The following ZDHHC9 variants were observed in gnomAD, a reference collection of about 807,000 sequenced individuals.
ZDHHC9 encodes zDHHC palmitoyltransferase 9, also known as palmitoyltransferase ZDHHC9.
A neutral mutation model predicts 26.6 loss-of-function variants in ZDHHC9; 3 were observed. That is an observed-to-expected ratio of 0.11 (90% CI 0.05 to 0.29). The LOEUF is 0.29. ZDHHC9 is among the 10% of genes least tolerant of loss of function. The pLI, the probability that ZDHHC9 is intolerant of heterozygous loss-of-function variation, is 1.00. For missense variants in ZDHHC9, 146 were observed against 296.4 expected, an observed-to-expected ratio of 0.49 and a Z score of 3.73; for synonymous variants, 111 against 109.4, an observed-to-expected ratio of 1.01 and a Z score of -0.09.
chrX:129,823,489 G>A (rs1201362666), intron 5 of ZDHHC9, 190 bp downstream of exon 5: 1 of 441,125 alleles, frequency 2.3e-6, no homozygotes, highest in Admixed American at 4.2e-5. Context: ...TTTAAATTTT[G>A]ATTTGATCTA....
At chrX:129,816,486 T>A (rs1927760085) in intron 5 of ZDHHC9, among the ~76,000 whole-genome samples, 1 of 110,814 alleles carries the variant, frequency 9.0e-6, no homozygotes, top group African/African-American at 3.3e-5. Flanking sequence ...AACTGCATTG[T>A]TCAAGAGTCG....
chrX:129,830,124 C>T (rs1793608172), intron 3 of ZDHHC9, among the ~76,000 whole-genome samples: 5 of 111,884 alleles, frequency 4.5e-5, no homozygotes, highest in African/African-American at 1.6e-4. Context: ...TCCCTGTGGT[C>T]CTCACTTCCA....
At chrX:129,819,165 T>C (rs1459790070) in intron 5 of ZDHHC9, among the ~76,000 whole-genome samples, 2 of 51,774 alleles carry the variant, frequency 3.9e-5, no homozygotes, top group East Asian at 6.1e-4. Context: ...AGAGACAGCC[T>C]CCGTCTCAAA....
At chrX:129,816,065 G>A (rs991951001) in intron 5 of ZDHHC9, among the ~76,000 whole-genome samples, 1 of 109,834 alleles carries the variant, frequency 9.1e-6, no homozygotes. Context: ...ATGTACACAG[G>A]TTTTGCATCT....
chrX:129,821,588 G>A (rs919130014), intron 5 of ZDHHC9, among the ~76,000 whole-genome samples: 1 of 108,296 alleles, frequency 9.2e-6, no homozygotes, highest in Admixed American at 9.9e-5. Context: ...ACCGCGCCTG[G>A]CCAGACCTTC....
At chrX:129,815,608 A>G (rs1927739302) in intron 5 of ZDHHC9, among the ~76,000 whole-genome samples, 1 of 112,197 alleles carries the variant, frequency 8.9e-6, no homozygotes, top group Non-Finnish European at 1.9e-5. Context: ...TTGGTGATCA[A>G]TGATGTGATT....
At chrX:129,840,294 G>A (rs1488753401) in intron 3 of ZDHHC9, among the ~76,000 whole-genome samples, 1 of 108,768 alleles carries the variant, frequency 9.2e-6, no homozygotes, top group Admixed American at 1.0e-4. Flanking sequence ...GGAGGTGGGG[G>A]TGGGGACAAA....
intron 8 of ZDHHC9, 87 bp downstream of exon 8, chrX:129,812,631 G>A: frequency 6.0e-6 from 5 of 836,627 alleles, no homozygotes; most frequent in Non-Finnish European, 9.0e-6. Context: ...CCCAGGCCCT[G>A]GAGACTCGGT....
Position 129,838,889 on chromosome X carries a change from G to A in ZDHHC9, c.167+2890C>T, listed in dbSNP as rs187410974. 5.4e-5 allele frequency among the ~76,000 whole-genome samples: 6 copies of A among 112,064 alleles called. No individual in the cohort carries two copies. The East Asian group carries it at 1.4e-3, about 26-fold the overall frequency. On this transcript the variant is annotated intron_variant, in intron 3 of 10. Coordinates refer to ENST00000357166, the MANE Select transcript of ZDHHC9 (RefSeq NM_016032.4). ...CATCTGCCAGCACTGCTAACATTAT[G>A]CGTTTTTCATTAAGGGGCACCCACA...
intron 4 of ZDHHC9, among the ~76,000 whole-genome samples, chrX:129,824,807 G>A (rs1473310621): frequency 3.6e-5 from 4 of 112,004 alleles, no homozygotes; most frequent in Non-Finnish European, 3.8e-5. Context: ...TTATGCAGCC[G>A]TTAAAAATGA....
chrX:129,824,571 T>C (rs1355319731), intron 4 of ZDHHC9, among the ~76,000 whole-genome samples: 1 of 111,929 alleles, frequency 8.9e-6, no homozygotes, highest in East Asian at 2.8e-4. Context: ...ATTACAGGTG[T>C]GAGCCACCGT....
chrX:129,819,398 C>A (rs948066828), intron 5 of ZDHHC9, among the ~76,000 whole-genome samples: 2 of 108,846 alleles, frequency 1.8e-5, no homozygotes, highest in African/African-American at 6.7e-5. Flanking sequence ...GTAATACATG[C>A]TCATTGTAGA....
intron 10 of ZDHHC9, among the ~76,000 whole-genome samples, chrX:129,807,162 T>G (rs1202171225): frequency 8.9e-6 from 1 of 112,294 alleles, no homozygotes; most frequent in Non-Finnish European, 1.9e-5. Context: ...AAAGTATGAT[T>G]CTGGCCGGGC....
At chrX:129,810,246 G>A (rs1927607841) in intron 10 of ZDHHC9, among the ~76,000 whole-genome samples, 1 of 106,348 alleles carries the variant, frequency 9.4e-6, no homozygotes, top group South Asian at 4.2e-4. Context: ...CTACTCGGAG[G>A]CTGAGGCAGA....
intron 4 of ZDHHC9, among the ~76,000 whole-genome samples, chrX:129,824,818 CAT>C (rs1927975418): frequency 8.9e-6 from 1 of 111,772 alleles, no homozygotes; most frequent in South Asian, 3.6e-4. Context: ...TTAAAAATGA[CAT>C]AGACGAAAGA....
chrX:129,811,723 G>A (rs754563647), intron 8 of ZDHHC9, among the ~76,000 whole-genome samples: 62 of 110,729 alleles, frequency 5.6e-4, no homozygotes, highest in Non-Finnish European at 8.9e-4. Flanking sequence ...AGGATATGAG[G>A]GCGATCTGGC....
intron 5 of ZDHHC9, among the ~76,000 whole-genome samples, chrX:129,819,172 CAAAAAAAAAAAAA>C (rs10555509): frequency 1.4e-4 from 5 of 36,083 alleles, no homozygotes; most frequent in Non-Finnish European, 1.8e-4. Context: ...GCCTCCGTCT[CAAAAAAAAAAAAA>C]AAAAAAAAAA....
At chrX:129,823,890 A>G in intron 4 of ZDHHC9, 53 bp from the exon 5 acceptor site, 1 of 1,150,905 alleles carries the variant, frequency 8.7e-7, no homozygotes. Flanking sequence ...CTTGAGCCCA[A>G]AAGTCTCACC....
rs1927507139 is a variant in ZDHHC9, at chrX:129,806,019, T to G, written c.*351A>C. On this transcript the variant is annotated 3_prime_UTR_variant, in exon 11 of 11. Transcript: ENST00000357166. Reference sequence around the variant, plus strand: ...GGATTTGAGCCAGTCTCAAAAACTTTTAGCCCCAGAATGAGACCAGTGACC... The same window carrying G: ...GGATTTGAGCCAGTCTCAAAAACTTGTAGCCCCAGAATGAGACCAGTGACC... 1 of 240,216 alleles carries G rather than the reference T, an allele frequency of 4.2e-6. No homozygotes were observed. The highest frequency in any genetic ancestry group is 2.9e-5 in the African/African-American group (1 of 34,442). The allele number at this position is 240,216 out of a possible 1,213,427, so 19.8% of individuals were successfully genotyped here.
Sources: allele counts gnomAD v4.1 joint callset (sites outside exome capture counted in the v4.1 genomes callset), GRCh38; gene constraint gnomAD v4.1.1; transcripts MANE v1.5; gene names NCBI Gene and HGNC (gene_info 2026-07-23, HGNC 2026-07-21).